The following NFIB variants were observed in gnomAD, a reference collection of about 807,000 sequenced individuals.
NFIB encodes the protein nuclear factor 1 B-type.
A neutral mutation model predicts 61.5 loss-of-function variants in NFIB; 11 were observed. That is an observed-to-expected ratio of 0.18 (90% CI 0.11 to 0.30). The LOEUF (loss-of-function observed/expected upper bound fraction) is 0.30. Among genes scored for constraint, NFIB ranks in the 10% least tolerant of loss-of-function variants. The probability of loss-of-function intolerance (pLI) is 1.00; values close to 1 mark genes in which losing one functional copy is unlikely to be tolerated. For missense variants in NFIB, 471 were observed against 608.9 expected (o/e 0.77, Z 2.38); for synonymous variants, 260 against 216.5 (o/e 1.20, Z -1.76).
chr9:14,387,173 C>G (rs939698027), intron 1 of NFIB, among the ~76,000 whole-genome samples: 3 of 152,160 alleles, frequency 2.0e-5, no homozygotes, highest in African/African-American at 7.2e-5. Flanking sequence ...AAGTAACCAA[C>G]ATCAACAAAT....
At chr9:14,316,868 C>A (rs936006946), upstream of NFIB, among the ~76,000 whole-genome samples, 1 of 152,168 alleles carries the variant, frequency 6.6e-6, no homozygotes, top group Admixed American at 6.5e-5. Context: ...AGTTAATTTA[C>A]CATAAAAGAC....
chr9:14,215,997 G>A (rs2050816068), intron 2 of NFIB, among the ~76,000 whole-genome samples: 1 of 152,082 alleles, frequency 6.6e-6, no homozygotes, highest in African/African-American at 2.4e-5. Context: ...TAAATAGGAG[G>A]TATCATCATC....
At chr9:14,293,454 GA>G (rs1020314114) in intron 2 of NFIB, among the ~76,000 whole-genome samples, 4 of 152,156 alleles carry the variant, frequency 2.6e-5, no homozygotes, top group Non-Finnish European at 5.9e-5. Context: ...CCCTGAGTAT[GA>G]AAAACTCAAC....
chr9:14,404,304 C>T, the NFIB span, among the ~76,000 whole-genome samples: 2 of 152,094 alleles, frequency 1.3e-5, no homozygotes, highest in African/African-American at 4.8e-5. Context: ...ATTTGGTAAA[C>T]ATTTATTGAG....
At chr9:14,392,437 A>C (rs1319860484) in intron 1 of NFIB, among the ~76,000 whole-genome samples, 1 of 152,242 alleles carries the variant, frequency 6.6e-6, no homozygotes, top group Non-Finnish European at 1.5e-5. Context: ...CTAACATAAA[A>C]AGATTATAGA....
chr9:14,496,974 T>G, the NFIB span, among the ~76,000 whole-genome samples: 2 of 152,250 alleles, frequency 1.3e-5, no homozygotes, highest in African/African-American at 4.8e-5. Flanking sequence ...GCTTAGTTCA[T>G]TGTAGTCTTT....
chr9:14,476,246 GT>G, the NFIB span, among the ~76,000 whole-genome samples: 170 of 127,370 alleles, frequency 1.3e-3, 1 homozygote, highest in East Asian at 6.7e-3. Flanking sequence ...TAAGCTTTTT[GT>G]TTTTTTTTTT....
chr9:14,508,414 C>CCT, the NFIB span, among the ~76,000 whole-genome samples: 1 of 152,186 alleles, frequency 6.6e-6, no homozygotes, highest in Non-Finnish European at 1.5e-5. Flanking sequence ...TCTCATACTA[C>CCT]CTCATCCTTC....
chr9:14,293,890 C>G (rs1261436680), intron 2 of NFIB, among the ~76,000 whole-genome samples: 1 of 152,178 alleles, frequency 6.6e-6, no homozygotes, highest in African/African-American at 2.4e-5. Flanking sequence ...CAAAACCTTA[C>G]TAAAAACAGT....
the NFIB span, among the ~76,000 whole-genome samples, chr9:14,488,383 C>T: frequency 1.3e-5 from 2 of 151,748 alleles, no homozygotes; most frequent in East Asian, 1.9e-4. Context: ...AAAAAATCAC[C>T]TGAAAAGTTT....
chr9:14,182,804 A>T (rs1587392451), intron 2 of NFIB, among the ~76,000 whole-genome samples: 1 of 149,750 alleles, frequency 6.7e-6, no homozygotes, highest in East Asian at 2.0e-4. Context: ...CTCACTAGTG[A>T]CATGATCTTG....
Position 14,086,968 on chromosome 9 carries a change from G to T in NFIB, c.*1341C>A. The T allele has an allele frequency of 4.9e-6, 1 of 202,806 alleles. No individual in the cohort carries two copies. Among genetic ancestry groups the T allele is most frequent in the Non-Finnish European group, 1.0e-5 (1 of 98,378 alleles). The allele number at this position is 202,806 out of a possible 1,614,324, so 12.6% of individuals were successfully genotyped here. A position where few individuals can be genotyped will look rare whatever the true frequency, so the allele number is the denominator to read the frequency against. Reference sequence around the variant, plus strand: ...CAATACAAGAAATTTGTTGAACAAGGCTAATGTCTGAAAGCACCATGCAAG... The same window carrying T: ...CAATACAAGAAATTTGTTGAACAAGTCTAATGTCTGAAAGCACCATGCAAG... On this transcript the variant is annotated 3_prime_UTR_variant, in exon 11 of 11. Coordinates refer to ENST00000380953, the MANE Select transcript of NFIB (RefSeq NM_001190737.2).
At chr9:14,185,872 G>A (rs2047282920) in intron 2 of NFIB, among the ~76,000 whole-genome samples, 1 of 152,150 alleles carries the variant, frequency 6.6e-6, no homozygotes, top group South Asian at 2.1e-4. Flanking sequence ...GGGTGGATAA[G>A]ACATACTATT....
chr9:14,098,685 T>C (rs1249106147), intron 10 of NFIB, among the ~76,000 whole-genome samples: 1 of 152,216 alleles, frequency 6.6e-6, no homozygotes, highest in Non-Finnish European at 1.5e-5. Flanking sequence ...ATTCTGACTA[T>C]ACTAGAAGTG....
intron 2 of NFIB, among the ~76,000 whole-genome samples, chr9:14,229,353 T>C (rs2052832961): frequency 6.6e-6 from 1 of 152,176 alleles, no homozygotes. Context: ...CTAAAGACGA[T>C]GGCCTTATGA....
intron 1 of NFIB, among the ~76,000 whole-genome samples, chr9:14,392,987 C>T (rs529556599): frequency 9.8e-5 from 15 of 152,318 alleles, no homozygotes; most frequent in South Asian, 2.1e-4. Flanking sequence ...TACAAATCAA[C>T]GGTCTTGCGA....
chr9:14,476,836 A>G, the NFIB span, among the ~76,000 whole-genome samples: 3 of 152,230 alleles, frequency 2.0e-5, no homozygotes, highest in Admixed American at 2.0e-4. Flanking sequence ...TAAACCTGGA[A>G]TGTTCTTAGA....
chr9:14,315,669 C>T (rs1482881719), upstream of NFIB, among the ~76,000 whole-genome samples: 1 of 150,240 alleles, frequency 6.7e-6, no homozygotes, highest in African/African-American at 2.4e-5. Flanking sequence ...CCCGTGCAGG[C>T]TCCGAGTGAA....
chr9:14,469,276 G>A, the NFIB span, among the ~76,000 whole-genome samples: 1 of 152,204 alleles, frequency 6.6e-6, no homozygotes, highest in African/African-American at 2.4e-5. Flanking sequence ...TTATCAACTT[G>A]AAAAGTTACT....
Sources: allele counts gnomAD v4.1 joint callset (sites outside exome capture counted in the v4.1 genomes callset), GRCh38; gene constraint gnomAD v4.1.1; transcripts MANE v1.5; gene names NCBI Gene and HGNC (gene_info 2026-07-23, HGNC 2026-07-21).